The following RAPGEF5 variants were observed in gnomAD, a reference collection of about 807,000 sequenced individuals.
The protein encoded by RAPGEF5 is M-Ras-regulated GEF.
RAPGEF5 carries 65 observed loss-of-function variants against 125.2 expected under a neutral mutation model. The observed-to-expected ratio is 0.52, with a 90% CI of 0.43 to 0.64. The LOEUF is 0.64. RAPGEF5 is among the 30% of genes least tolerant of loss of function. RAPGEF5 has a pLI of 0.00. For synonymous variants in RAPGEF5, 391 were observed against 385.9 expected (o/e 1.01, Z -0.16); for missense variants, 958 against 1,048.1 (o/e 0.91, Z 1.19).
chr7:22,347,032 A>G (rs1007407583), intron 1 of RAPGEF5, among the ~76,000 whole-genome samples: 2 of 152,094 alleles, frequency 1.3e-5, no homozygotes, highest in Non-Finnish European at 2.9e-5. Context: ...ATTTATATGG[A>G]AAGTTTAACT....
chr7:22,336,608 C>T (rs1322693633), intron 1 of RAPGEF5, among the ~76,000 whole-genome samples: 1 of 152,188 alleles, frequency 6.6e-6, no homozygotes, highest in Non-Finnish European at 1.5e-5. Context: ...CCCAGAGAAA[C>T]TCCAACCAGC....
At chr7:22,189,553 T>C (rs1019474219) in intron 11 of RAPGEF5, among the ~76,000 whole-genome samples, 7 of 152,166 alleles carry the variant, frequency 4.6e-5, no homozygotes. Flanking sequence ...AATTCTCTCA[T>C]GTAAACCTCA....
At chr7:22,315,515 A>G (rs1270091165) in intron 2 of RAPGEF5, 39 bp from the exon 3 acceptor site, 2 of 1,306,136 alleles carry the variant, frequency 1.5e-6, no homozygotes, top group Non-Finnish European at 2.0e-6. Flanking sequence ...ATAGAACAAT[A>G]ATGTGACAAT....
Position 22,137,039 on chromosome 7 carries a change from A to C in RAPGEF5, c.2278-56T>G. The C allele has an allele frequency of 2.3e-6, 3 of 1,314,792 alleles. No individual in the cohort carries two copies. The South Asian group carries it at 3.9e-5, about 17-fold the overall frequency. 81.4% of individuals were successfully genotyped at this position (1,314,792 alleles called of 1,614,324 possible). A position where few individuals can be genotyped will look rare whatever the true frequency, so the allele number is the denominator to read the frequency against. On this transcript the variant is annotated intron_variant, in intron 21 of 25. Transcript: ENST00000665637. ...GGTCACAGAAGTTGGTTATTTTCAG[A>C]GGCATCGAAGGGAGTTTTCATTACG...
At chr7:22,237,178 G>C (rs199866434) in intron 7 of RAPGEF5, among the ~76,000 whole-genome samples, 2 of 152,314 alleles carry the variant, frequency 1.3e-5, no homozygotes, top group East Asian at 3.9e-4. Context: ...AAAATGAAGA[G>C]TGCTTCCTCC....
intron 11 of RAPGEF5, among the ~76,000 whole-genome samples, chr7:22,190,953 C>A (rs904784477): frequency 6.6e-6 from 1 of 152,112 alleles, no homozygotes; most frequent in African/African-American, 2.4e-5. Flanking sequence ...GTAAAAGGGG[C>A]GCTCAAGAAC....
chr7:22,249,267 C>T (rs975807605), intron 7 of RAPGEF5, among the ~76,000 whole-genome samples: 19 of 152,204 alleles, frequency 1.2e-4, no homozygotes, highest in Non-Finnish European at 7.3e-5. Context: ...TCTTGGCTCA[C>T]TGCAACCTCA....
intron 1 of RAPGEF5, among the ~76,000 whole-genome samples, chr7:22,338,608 A>G (rs1784068246): frequency 6.6e-6 from 1 of 152,152 alleles, no homozygotes; most frequent in Non-Finnish European, 1.5e-5. Context: ...TTTATCCTTC[A>G]AGACTCCTGG....
In RAPGEF5 at chr7:22,150,513, GAAA is replaced by G. The variant is rs10668286; in HGVS notation, c.1787-12_1787-10del. 0.017 allele frequency: 22,659 copies of G among 1,311,734 alleles called. No individual in the cohort carries two copies. The highest frequency in any genetic ancestry group is 0.033 in the Admixed American group (1,335 of 41,054). The allele number at this position is 1,311,734 out of a possible 1,614,324, so 81.3% of individuals were successfully genotyped here. A position where few individuals can be genotyped will look rare whatever the true frequency, so the allele number is the denominator to read the frequency against. ...CTGAAGTTCATGCTTTTCTTTATTT[GAAA>G]AAAAAAAAAAAAAAAGGAATAATCA... On this transcript the variant is annotated splice_polypyrimidine_tract_variant and intron_variant, in intron 17 of 25. Transcript: ENST00000665637.
At chr7:22,155,101 T>C (rs10266511) in intron 16 of RAPGEF5, among the ~76,000 whole-genome samples, 23,741 of 152,164 alleles carry the variant, frequency 0.16, 2,187 homozygotes, top group African/African-American at 0.26. Context: ...CTATTAGAAT[T>C]CTCATAAGCT....
intron 21 of RAPGEF5, chr7:22,139,796 A>G: frequency 2.3e-6 from 1 of 433,196 alleles, no homozygotes; most frequent in East Asian, 4.2e-5. Context: ...CTGCACTATC[A>G]GGCAGGACAG....
chr7:22,179,625 C>T (rs2128120992), intron 11 of RAPGEF5, among the ~76,000 whole-genome samples: 1 of 152,248 alleles, frequency 6.6e-6, no homozygotes, highest in South Asian at 2.1e-4. Flanking sequence ...AGTACGTCTG[C>T]ACAAGGTACA....
intron 7 of RAPGEF5, among the ~76,000 whole-genome samples, chr7:22,244,383 G>A (rs118111104): frequency 0.034 from 5,206 of 152,154 alleles, 121 homozygotes; most frequent in Non-Finnish European, 0.052. Flanking sequence ...GGAGGTGAGC[G>A]GTGGGTGAGT....
At chr7:22,306,850 C>T (rs1583566442) in intron 5 of RAPGEF5, among the ~76,000 whole-genome samples, 1 of 152,074 alleles carries the variant, frequency 6.6e-6, no homozygotes, top group African/African-American at 2.4e-5. Context: ...TTGTTGAAAA[C>T]GAGTTCACTG....
intron 11 of RAPGEF5, 59 bp downstream of exon 11, chr7:22,193,308 G>A: frequency 4.6e-6 from 7 of 1,521,424 alleles, no homozygotes; most frequent in Non-Finnish European, 5.3e-6. Context: ...GCCCCTGAGG[G>A]TACTGACAAG....
At chr7:22,279,157 T>A (rs1249537303) in intron 6 of RAPGEF5, among the ~76,000 whole-genome samples, 1 of 152,102 alleles carries the variant, frequency 6.6e-6, no homozygotes, top group Non-Finnish European at 1.5e-5. Context: ...TTTTGGAAGG[T>A]TTTAGTATCT....
chr7:22,297,728 TTA>T (rs1488958278), intron 5 of RAPGEF5, among the ~76,000 whole-genome samples: 1 of 152,200 alleles, frequency 6.6e-6, no homozygotes, highest in African/African-American at 2.4e-5. Context: ...AGAGATGGCT[TTA>T]TGTTTTCCTC....
At chr7:22,331,168 C>T (rs182326113) in intron 1 of RAPGEF5, among the ~76,000 whole-genome samples, 2 of 152,280 alleles carry the variant, frequency 1.3e-5, no homozygotes, top group East Asian at 3.9e-4. Context: ...TTTAAAGAAC[C>T]CTGAAATACA....
chr7:22,267,419 C>A lies in RAPGEF5; in HGVS notation c.748-407G>T, dbSNP rs1474003464. Among the ~76,000 whole-genome samples, 4 of 152,166 alleles carry A rather than the reference C, an allele frequency of 2.6e-5. No homozygotes were observed. In the East Asian group the frequency reaches 7.7e-4, roughly 29 times the overall value. ...AAAGATGCTAGTTTATAAAGAAATTCTAGTAAAGTTGATATAGGTAATCCT... is the reference window on the plus strand; with the variant it reads ...AAAGATGCTAGTTTATAAAGAAATTATAGTAAAGTTGATATAGGTAATCCT... On this transcript the variant is annotated intron_variant, in intron 6 of 25. Coordinates refer to ENST00000665637, the MANE Select transcript of RAPGEF5 (RefSeq NM_012294.5).
Sources: allele counts gnomAD v4.1 joint callset (sites outside exome capture counted in the v4.1 genomes callset), GRCh38; gene constraint gnomAD v4.1.1; transcripts MANE v1.5; gene names NCBI Gene and HGNC (gene_info 2026-07-23, HGNC 2026-07-21).